BRINP1: variants seen among roughly 807,000 people sequenced by gnomAD.
BRINP1 encodes the protein BMP/retinoic acid inducible neural specific 1.
Under a neutral mutation model 72.9 loss-of-function variants are expected in BRINP1, and 17 were observed. The ratio of observed to expected loss-of-function variants is 0.23; its 90% CI spans 0.16 to 0.35. The LOEUF is 0.35. Ranked by LOEUF, BRINP1 falls within the 10% of genes least tolerant of loss-of-function variation. The probability of loss-of-function intolerance (pLI) is 1.00; values close to 1 mark genes in which losing one functional copy is unlikely to be tolerated. For synonymous variants in BRINP1, 418 were observed against 378.5 expected, an observed-to-expected ratio of 1.10 and a Z score of -1.21; for missense variants, 850 against 1,001.6, an observed-to-expected ratio of 0.85 and a Z score of 2.04.
intron 4 of BRINP1, among the ~76,000 whole-genome samples, chr9:119,240,399 C>A (rs1451977827): frequency 6.6e-6 from 1 of 152,150 alleles, no homozygotes; most frequent in Non-Finnish European, 1.5e-5. Flanking sequence ...ACAGTGCCTA[C>A]CATAAGAAAT....
chr9:119,253,808 A>C (rs1830418292), intron 2 of BRINP1, among the ~76,000 whole-genome samples: 1 of 152,124 alleles, frequency 6.6e-6, no homozygotes, highest in African/African-American at 2.4e-5. Context: ...ATAAGAGCTA[A>C]AGGCAGAGAG....
chr9:119,267,000 G>A (rs1428008772), intron 2 of BRINP1, among the ~76,000 whole-genome samples: 4 of 152,192 alleles, frequency 2.6e-5, no homozygotes, highest in African/African-American at 7.2e-5. Flanking sequence ...AATCAGAAGC[G>A]GAGATGCCAC....
At chr9:119,326,771 A>G (rs1345428340) in intron 1 of BRINP1, among the ~76,000 whole-genome samples, 2 of 152,250 alleles carry the variant, frequency 1.3e-5, no homozygotes, top group African/African-American at 4.8e-5. Context: ...CGAGATGGAC[A>G]TAGAAATAGG....
intron 7 of BRINP1, among the ~76,000 whole-genome samples, chr9:119,169,860 C>G (rs1829380202): frequency 6.6e-6 from 1 of 152,018 alleles, no homozygotes; most frequent in Non-Finnish European, 1.5e-5. Context: ...GGCACCCCGC[C>G]AGCAGGGGCA....
chr9:119,198,262 A>T (rs1829761715), intron 7 of BRINP1, among the ~76,000 whole-genome samples: 1 of 152,244 alleles, frequency 6.6e-6, no homozygotes, highest in Non-Finnish European at 1.5e-5. Context: ...TCAATTACCC[A>T]ACAAACTATT....
Position 119,208,837 on chromosome 9 carries a change from T to C in BRINP1, c.1027A>G (p.Lys343Glu). ...GCCTCCGTGGCACTCTGCAGGAGCT[T>C]GTAGCGGTTCTGCAGGTCCCAGTCA... ...GNDWDLQNRY[K>E]LLQSATEAQR... Residue 343 changes from lysine to glutamate, a missense_variant, in exon 7 of 8, where the codon AAG becomes GAG. Transcript: ENST00000265922. 1 of 1,614,132 alleles carries C rather than the reference T, an allele frequency of 6.2e-7. No individual in the cohort carries two copies. The highest frequency in any genetic ancestry group is 8.5e-7 in the Non-Finnish European group (1 of 1,180,008).
chr9:119,199,323 G>T (rs1009937537), intron 7 of BRINP1, among the ~76,000 whole-genome samples: 3 of 152,186 alleles, frequency 2.0e-5, no homozygotes, highest in African/African-American at 7.2e-5. Flanking sequence ...TATGAATATT[G>T]AGGGTCATCA....
chr9:119,327,177 G>A (rs1472492210), intron 1 of BRINP1, among the ~76,000 whole-genome samples: 3 of 152,160 alleles, frequency 2.0e-5, no homozygotes, highest in Non-Finnish European at 2.9e-5. Flanking sequence ...TGGGGTACAT[G>A]TGCAAGATGT....
In BRINP1 at chr9:119,300,050, T is replaced by G. The variant is rs561818206; in HGVS notation, c.218+13088A>C. ...CAGTACCGCCTTCCTCAGTGATTCG[T>G]TTCACACCCCACTTCACAAAGAGAA... On this transcript the variant is annotated intron_variant, in intron 2 of 7. Transcript: ENST00000265922. Among the ~76,000 whole-genome samples the G allele has an allele frequency of 1.0e-3, 153 of 152,262 alleles. No individual in the cohort carries two copies. In the East Asian group the frequency reaches 0.027, roughly 27 times the overall value.
intron 5 of BRINP1, among the ~76,000 whole-genome samples, chr9:119,237,150 T>C (rs1340519703): frequency 6.6e-6 from 1 of 152,152 alleles, no homozygotes; most frequent in African/African-American, 2.4e-5. Context: ...GAATCACCTT[T>C]ATCATATACC....
chr9:119,229,791 T>C (rs1588171123), intron 5 of BRINP1, among the ~76,000 whole-genome samples: 1 of 152,026 alleles, frequency 6.6e-6, no homozygotes, highest in South Asian at 2.1e-4. Flanking sequence ...GGATAAGAAG[T>C]GTAAGGGTTC....
At chr9:119,227,555 G>C (rs951732036) in intron 5 of BRINP1, among the ~76,000 whole-genome samples, 1 of 152,012 alleles carries the variant, frequency 6.6e-6, no homozygotes, top group Non-Finnish European at 1.5e-5. Context: ...GGGCCTCATC[G>C]GCAGAGCCAC....
intron 7 of BRINP1, among the ~76,000 whole-genome samples, chr9:119,189,477 C>T (rs1292438996): frequency 6.6e-6 from 1 of 152,084 alleles, no homozygotes; most frequent in African/African-American, 2.4e-5. Context: ...TGTAAGAAGA[C>T]ATTTCTTGCA....
At chr9:119,256,802 C>T (rs1830451773) in intron 2 of BRINP1, among the ~76,000 whole-genome samples, 2 of 152,164 alleles carry the variant, frequency 1.3e-5, no homozygotes, top group African/African-American at 4.8e-5. Context: ...AAATGTGTTT[C>T]CTCCATTGTT....
intron 2 of BRINP1, among the ~76,000 whole-genome samples, chr9:119,267,968 T>C (rs1830564789): frequency 6.6e-6 from 1 of 152,072 alleles, no homozygotes; most frequent in African/African-American, 2.4e-5. Context: ...TTAGGTCAGG[T>C]GCAGTGGCTC....
At chr9:119,300,178 T>A (rs935858984) in intron 2 of BRINP1, among the ~76,000 whole-genome samples, 1 of 152,060 alleles carries the variant, frequency 6.6e-6, no homozygotes, top group African/African-American at 2.4e-5. Flanking sequence ...ATCTCTCCTT[T>A]TACCCCTACT....
intron 2 of BRINP1, among the ~76,000 whole-genome samples, chr9:119,256,883 T>C (rs1282689662): frequency 6.6e-6 from 1 of 152,200 alleles, no homozygotes; most frequent in Non-Finnish European, 1.5e-5. Context: ...GCATGTTTTA[T>C]GACTTGTTCG....
rs372284301 is a variant in BRINP1 at position 119,367,476 on chromosome 9, A to G, written c.-51+1580T>C. The stretch of plus-strand genomic sequence containing the variant: ...CATGCTAACAGCAGTAAAACTCAGC[A>G]TTTTTGCTGAGTAGGGCAAGCCTTT... On this transcript the variant is annotated intron_variant, in intron 1 of 7. Coordinates refer to ENST00000265922, the MANE Select transcript of BRINP1 (RefSeq NM_014618.3). Among the ~76,000 whole-genome samples, 4 of 151,830 alleles carry G rather than the reference A, an allele frequency of 2.6e-5. No homozygotes were observed. The South Asian group carries it at 8.3e-4, about 32-fold the overall frequency.
chr9:119,212,386 C>T lies in BRINP1; in HGVS notation c.922+1533G>A, dbSNP rs575101003. On this transcript the variant is annotated intron_variant, in intron 6 of 7. Coordinates refer to ENST00000265922, the MANE Select transcript of BRINP1 (RefSeq NM_014618.3). ...TCTTGTCTAAAGACTTGAATAAACT[C>T]AAATATTAAAAACACAAACATGTCT... is the stretch of plus-strand genomic sequence containing the variant. 2.0e-5 allele frequency among the ~76,000 whole-genome samples: 3 copies of T among 152,310 alleles called. No homozygotes were observed. The South Asian group carries it at 6.2e-4, about 32-fold the overall frequency.
Sources: gnomAD v4.1 joint callset for allele counts (sites outside exome capture counted in the v4.1 genomes callset) on GRCh38, gnomAD v4.1.1 for gene constraint, MANE v1.5 for transcripts, NCBI Gene and HGNC (gene_info 2026-07-23, HGNC 2026-07-21) for gene names.